Variants in CAMK1D observed in about 807,000 individuals in gnomAD.
CAMK1D encodes the protein calcium/calmodulin-dependent protein kinase type 1D.
In CAMK1D, 9 loss-of-function variants were observed where a neutral mutation model predicts 47.7. The ratio of observed to expected loss-of-function variants is 0.19; its 90% CI spans 0.11 to 0.33. The LOEUF is 0.33. Ranked by LOEUF, CAMK1D falls within the 10% of genes least tolerant of loss-of-function variation. The pLI, the probability that CAMK1D is intolerant of heterozygous loss-of-function variation, is 1.00. For synonymous variants in CAMK1D, 184 were observed against 184.9 expected, an observed-to-expected ratio of 0.99 and a Z score of 0.04; for missense variants, 291 against 488.7, an observed-to-expected ratio of 0.60 and a Z score of 3.81.
At chr10:12,747,039 G>T (rs200247852) in intron 3 of CAMK1D, among the ~76,000 whole-genome samples, 15 of 151,360 alleles carry the variant, frequency 9.9e-5, no homozygotes, top group African/African-American at 2.2e-4. Flanking sequence ...TTGTTTGTTT[G>T]TTTGTCTTTT....
In CAMK1D at chr10:12,554,421, C is replaced by T. The variant is rs1836695580; in HGVS notation, c.224+1065C>T. On this transcript the variant is annotated intron_variant, in intron 2 of 10. Transcript: ENST00000619168. ...CCGCCCGCCTTGGCCTCCCAAAGTG[C>T]TGAGTTTACAGGCATGAGCCACTGC... 1.5e-5 allele frequency among the ~76,000 whole-genome samples: 2 copies of T among 131,490 alleles called. 1 individual carries two copies. Among genetic ancestry groups the T allele is most frequent in the South Asian group, 4.5e-4 (2 of 4,416 alleles). 86.3% of individuals were successfully genotyped at this position (131,490 alleles called of 152,430 possible).
At chr10:12,761,670 T>C (rs2493779) in intron 4 of CAMK1D, among the ~76,000 whole-genome samples, 151,148 of 152,244 alleles carry the variant, frequency 0.99, 75,041 homozygotes, top group Middle Eastern at 1. Flanking sequence ...AGGCAGATCA[T>C]GAGGTTAAGA....
At chr10:12,549,347 A>G (rs942334033) in intron 1 of CAMK1D, among the ~76,000 whole-genome samples, 4 of 152,234 alleles carry the variant, frequency 2.6e-5, no homozygotes, top group Admixed American at 2.0e-4. Flanking sequence ...TTCCTTTAGC[A>G]TAATGTCCTC....
intron 1 of CAMK1D, among the ~76,000 whole-genome samples, chr10:12,484,097 G>C (rs1018293745): frequency 6.6e-6 from 1 of 152,190 alleles, no homozygotes; most frequent in African/African-American, 2.4e-5. Flanking sequence ...AGGCAGGCTT[G>C]GGTGGCGTTC....
chr10:12,457,009 G>A (rs1162165202), intron 1 of CAMK1D, among the ~76,000 whole-genome samples: 14 of 152,150 alleles, frequency 9.2e-5, no homozygotes, highest in Non-Finnish European at 2.1e-4. Context: ...GCCGCCAAGT[G>A]GCCATCAGTC....
At chr10:12,751,042 G>A (rs947637236) in intron 3 of CAMK1D, among the ~76,000 whole-genome samples, 10 of 149,246 alleles carry the variant, frequency 6.7e-5, no homozygotes, top group South Asian at 2.1e-4. Context: ...GACGGAGCCC[G>A]TCTCCCCCAA....
Position 12,604,007 on chromosome 10 carries a change from G to A in CAMK1D, c.224+50651G>A, listed in dbSNP as rs758045948. 3.9e-5 allele frequency among the ~76,000 whole-genome samples: 6 copies of A among 152,126 alleles called. No individual in the cohort carries two copies. The East Asian group carries it at 9.6e-4, about 24-fold the overall frequency. ...CATGCCTGCTTCATAGCCAGCCACC[G>A]TGCCAGTGGCCATATCCCTAGGCAG... On this transcript the variant is annotated intron_variant, in intron 2 of 10. Coordinates refer to ENST00000619168, the MANE Select transcript of CAMK1D (RefSeq NM_153498.4).
chr10:12,579,054 G>A (rs939450205), intron 2 of CAMK1D, among the ~76,000 whole-genome samples: 10 of 152,194 alleles, frequency 6.6e-5, no homozygotes, highest in African/African-American at 2.2e-4. Flanking sequence ...CTGCTCCAGG[G>A]AAGGGGCTTT....
intron 3 of CAMK1D, among the ~76,000 whole-genome samples, chr10:12,760,016 CA>C (rs1215856786): frequency 6.6e-6 from 1 of 151,626 alleles, no homozygotes; most frequent in African/African-American, 2.4e-5. Flanking sequence ...TCTTTTTTTT[CA>C]GTAGTGTTAA....
At chr10:12,426,346 A>G (rs952450676) in intron 1 of CAMK1D, among the ~76,000 whole-genome samples, 2 of 152,090 alleles carry the variant, frequency 1.3e-5, no homozygotes, top group African/African-American at 4.8e-5. Flanking sequence ...TCCCAGGTTC[A>G]AGTGATTCTC....
At chr10:12,776,911 C>T (rs541683993) in intron 5 of CAMK1D, among the ~76,000 whole-genome samples, 308 of 152,266 alleles carry the variant, frequency 2.0e-3, no homozygotes, top group Non-Finnish European at 3.7e-3. Context: ...CACCTCATTC[C>T]GCCTGAGCTT....
intron 1 of CAMK1D, among the ~76,000 whole-genome samples, chr10:12,422,462 A>G (rs1371540835): frequency 2.6e-5 from 4 of 152,192 alleles, no homozygotes; most frequent in Non-Finnish European, 1.5e-5. Context: ...CCACCTGAGA[A>G]CAGGTCTTAC....
intron 1 of CAMK1D, among the ~76,000 whole-genome samples, chr10:12,488,556 A>G (rs1198339400): frequency 6.6e-6 from 1 of 152,130 alleles, no homozygotes; most frequent in Non-Finnish European, 1.5e-5. Flanking sequence ...ATTCAAGCAC[A>G]TGACATTTAT....
intron 3 of CAMK1D, among the ~76,000 whole-genome samples, chr10:12,719,129 C>T (rs908718701): frequency 4.6e-5 from 7 of 152,050 alleles, no homozygotes; most frequent in African/African-American, 7.2e-5. Context: ...TTATAGAGGC[C>T]GGGCACAGTG....
chr10:12,807,852 C>T (rs891567327), intron 6 of CAMK1D, among the ~76,000 whole-genome samples: 31 of 152,202 alleles, frequency 2.0e-4, no homozygotes, highest in Non-Finnish European at 3.4e-4. Context: ...CACTCGTCTT[C>T]CTGACTCAAA....
chr10:12,526,897 CAAA>C (rs202209844), intron 1 of CAMK1D, among the ~76,000 whole-genome samples: 1 of 129,828 alleles, frequency 7.7e-6, no homozygotes. Context: ...AACCCTATCT[CAAA>C]AAAAAAAAAA....
intron 2 of CAMK1D, among the ~76,000 whole-genome samples, chr10:12,553,907 T>C (rs1836673687): frequency 6.6e-6 from 1 of 152,188 alleles, no homozygotes; most frequent in Admixed American, 6.5e-5. Flanking sequence ...GCAGCTCCTA[T>C]GTGGCAGAGC....
intron 1 of CAMK1D, among the ~76,000 whole-genome samples, chr10:12,378,399 C>A (rs1165473090): frequency 6.6e-6 from 1 of 151,512 alleles, no homozygotes; most frequent in East Asian, 1.9e-4. Context: ...GTGCACACCA[C>A]CACACTTGGC....
chr10:12,578,408 T>C (rs1837558393), intron 2 of CAMK1D, among the ~76,000 whole-genome samples: 1 of 151,742 alleles, frequency 6.6e-6, no homozygotes, highest in Non-Finnish European at 1.5e-5. Context: ...CCGTCTCTAC[T>C]AAAAATACAA....
Sources: gnomAD v4.1 joint callset for allele counts (sites outside exome capture counted in the v4.1 genomes callset) on GRCh38, gnomAD v4.1.1 for gene constraint, MANE v1.5 for transcripts, NCBI Gene and HGNC (gene_info 2026-07-23, HGNC 2026-07-21) for gene names.